OXR1: variants seen among roughly 807,000 people sequenced by gnomAD.
The protein encoded by OXR1 is oxidation resistance protein 1.
A neutral mutation model predicts 104.6 loss-of-function variants in OXR1; 41 were observed. The observed-to-expected ratio is 0.39, with a 90% CI of 0.31 to 0.51. The LOEUF is 0.51. Ranked by LOEUF, OXR1 falls within the 20% of genes least tolerant of loss-of-function variation. The pLI, the probability that OXR1 is intolerant of heterozygous loss-of-function variation, is 0.77. For missense variants in OXR1, 955 were observed against 1,031.9 expected (o/e 0.93, Z 1.02); for synonymous variants, 348 against 348.4 (o/e 1.00, Z 0.01).
Position 106,581,014 on chromosome 8 carries a change from T to C in OXR1, c.220+61875T>C, listed in dbSNP as rs1818184108. 4 of 1,069,282 alleles carry C rather than the reference T, an allele frequency of 3.7e-6. No homozygotes were observed. In the South Asian group the frequency reaches 1.1e-4, roughly 30 times the overall value. 66.2% of individuals were successfully genotyped at this position (1,069,282 alleles called of 1,614,324 possible). On this transcript the variant is annotated intron_variant, in intron 3 of 16. Coordinates refer to ENST00000517566, the MANE Select transcript of OXR1 (RefSeq NM_001198533.2). ...ACTGTCTTACCCAGCACTAAAAGCT[T>C]CTTAAAATTAGTCAGAGGAAGACAA...
chr8:106,469,010 GTGTTGT>G (rs66481208), intron 2 of OXR1, among the ~76,000 whole-genome samples: 47,369 of 138,954 alleles, frequency 0.34, 10,810 homozygotes, highest in African/African-American at 0.66. Flanking sequence ...GTTTGTTTGT[GTGTTGT>G]TGTTGTTGTT....
chr8:106,635,402 A>C (rs1232017352), intron 3 of OXR1, among the ~76,000 whole-genome samples: 1 of 152,080 alleles, frequency 6.6e-6, no homozygotes, highest in East Asian at 1.9e-4. Flanking sequence ...TTTTATTTTA[A>C]AGATTAAAAG....
At chr8:106,450,997 A>C (rs554707122) in intron 2 of OXR1, among the ~76,000 whole-genome samples, 9 of 152,282 alleles carry the variant, frequency 5.9e-5, no homozygotes, top group African/African-American at 2.2e-4. Flanking sequence ...TTGGGAACCG[A>C]GAAAGGATAT....
chr8:106,628,332 G>A (rs978738449), intron 3 of OXR1, among the ~76,000 whole-genome samples: 10 of 152,020 alleles, frequency 6.6e-5, no homozygotes, highest in Admixed American at 6.6e-4. Context: ...GACTGGGCAG[G>A]GAATTTATAC....
chr8:106,660,874 G>A (rs1236413646), intron 3 of OXR1, among the ~76,000 whole-genome samples: 5 of 152,072 alleles, frequency 3.3e-5, no homozygotes, highest in East Asian at 1.9e-4. Context: ...TTAGCTGGGC[G>A]TGGTGGTGCG....
intron 3 of OXR1, among the ~76,000 whole-genome samples, chr8:106,667,820 C>T (rs1826501476): frequency 6.6e-6 from 1 of 151,902 alleles, no homozygotes; most frequent in Non-Finnish European, 1.5e-5. Flanking sequence ...GGCATTACTG[C>T]CAAGTAATGT....
At chr8:106,733,102 G>C (rs1208285924) in intron 11 of OXR1, among the ~76,000 whole-genome samples, 1 of 151,770 alleles carries the variant, frequency 6.6e-6, no homozygotes, top group African/African-American at 2.4e-5. Context: ...ATGTTCCCTG[G>C]GCTGGTCTTG....
At chr8:106,657,860 T>A (rs1005433759) in intron 3 of OXR1, 6 of 1,240,538 alleles carry the variant, frequency 4.8e-6, no homozygotes, top group Admixed American at 4.2e-5. Flanking sequence ...CCCCGCCTCT[T>A]GTGAGGCGCG....
intron 2 of OXR1, among the ~76,000 whole-genome samples, chr8:106,379,374 T>G (rs1817038724): frequency 6.6e-6 from 1 of 152,146 alleles, no homozygotes; most frequent in Non-Finnish European, 1.5e-5. Context: ...CAGCTGCTTT[T>G]TAAAGTTGTT....
intron 11 of OXR1, among the ~76,000 whole-genome samples, chr8:106,735,113 T>C (rs1189370108): frequency 6.6e-6 from 1 of 152,140 alleles, no homozygotes; most frequent in Non-Finnish European, 1.5e-5. Context: ...TTTCCTCATA[T>C]ATACTGGGAA....
At chr8:106,669,851 A>G (rs17258979) in intron 3 of OXR1, among the ~76,000 whole-genome samples, 1,928 of 152,224 alleles carry the variant, frequency 0.013, 24 homozygotes, top group Admixed American at 0.044. Flanking sequence ...CTCTGCTTGA[A>G]AGTCCTTCAG....
intron 3 of OXR1, among the ~76,000 whole-genome samples, chr8:106,674,782 A>G (rs962060234): frequency 2.6e-5 from 4 of 152,064 alleles, no homozygotes; most frequent in South Asian, 2.1e-4. Context: ...TGATGGTTTT[A>G]TAAGTGTTTG....
In OXR1 at chr8:106,613,170, G is replaced by A. The variant is rs139900659; in HGVS notation, c.221-66040G>A. On this transcript the variant is annotated intron_variant, in intron 3 of 16. Transcript: ENST00000517566. ...TTTCCCTTCAAGCAGAAGAAAATAT[G>A]TTCACACAGAGGGAAAGAGGAGGAA... Among the ~76,000 whole-genome samples, 683 of 152,150 alleles carry A rather than the reference G, an allele frequency of 4.5e-3. 5 individuals are homozygous for A. The highest frequency in any genetic ancestry group is 0.015 in the African/African-American group (631 of 41,520).
intron 2 of OXR1, among the ~76,000 whole-genome samples, chr8:106,455,207 G>A (rs934639803): frequency 3.3e-5 from 5 of 152,096 alleles, no homozygotes; most frequent in African/African-American, 1.2e-4. Context: ...TTTTGAGTTA[G>A]TCAGAATATT....
intron 2 of OXR1, among the ~76,000 whole-genome samples, chr8:106,366,744 A>ATC (rs1209767948): frequency 1.3e-5 from 2 of 152,160 alleles, no homozygotes; most frequent in African/African-American, 2.4e-5. Flanking sequence ...ACTGAGAAGA[A>ATC]AGTGGGTGTG....
chr8:106,680,122 C>T (rs965233947), intron 4 of OXR1, among the ~76,000 whole-genome samples: 1 of 151,916 alleles, frequency 6.6e-6, no homozygotes, highest in East Asian at 1.9e-4. Context: ...AATTTATACT[C>T]TATTTTGATA....
intron 3 of OXR1, among the ~76,000 whole-genome samples, chr8:106,672,056 C>G (rs1429929210): frequency 1.3e-5 from 2 of 149,942 alleles, no homozygotes; most frequent in Non-Finnish European, 3.0e-5. Flanking sequence ...GGGATGACCA[C>G]TAAAAGAATT....
intron 3 of OXR1, among the ~76,000 whole-genome samples, chr8:106,598,278 A>G (rs1819678297): frequency 6.6e-6 from 1 of 152,114 alleles, no homozygotes; most frequent in Non-Finnish European, 1.5e-5. Flanking sequence ...GGCTTAACAC[A>G]TGGCTTCTCT....
chr8:106,595,913 C>A (rs555753326), intron 3 of OXR1, among the ~76,000 whole-genome samples: 25 of 151,920 alleles, frequency 1.6e-4, no homozygotes, highest in Non-Finnish European at 8.8e-5. Context: ...TGAATATGAA[C>A]CCTTGAAAAA....
Sources: allele counts gnomAD v4.1 joint callset (sites outside exome capture counted in the v4.1 genomes callset), GRCh38; gene constraint gnomAD v4.1.1; transcripts MANE v1.5; gene names NCBI Gene and HGNC (gene_info 2026-07-23, HGNC 2026-07-21).